ZC3H6: variants seen among roughly 807,000 people sequenced by gnomAD.
ZC3H6 encodes the protein zinc finger CCCH domain-containing protein 6.
In ZC3H6, 40 loss-of-function variants were observed where a neutral mutation model predicts 107.7. The ratio of observed to expected loss-of-function variants is 0.37; its 90% CI spans 0.29 to 0.48. ZC3H6 has a LOEUF of 0.48. Ranked by LOEUF, ZC3H6 falls within the 20% of genes least tolerant of loss-of-function variation. The pLI is 0.98. For synonymous variants in ZC3H6, 493 were observed against 487.9 expected (o/e 1.01, Z -0.14); for missense variants, 1,267 against 1,410.4 (o/e 0.90, Z 1.63).
chr2:112,304,585 C>T (rs1676441568), intron 3 of ZC3H6, among the ~76,000 whole-genome samples: 1 of 152,182 alleles, frequency 6.6e-6, no homozygotes, highest in Non-Finnish European at 1.5e-5. Flanking sequence ...ATCAGTCAAA[C>T]TGGATTAGAG....
In ZC3H6 at chr2:112,333,169, A is replaced by C. The variant is rs970020671; in HGVS notation, c.*681A>C. On this transcript the variant is annotated 3_prime_UTR_variant, in exon 12 of 12. Coordinates refer to ENST00000409871, the MANE Select transcript of ZC3H6 (RefSeq NM_198581.3). The stretch of plus-strand genomic sequence containing the variant: ...GTGAAAAATTTCCAAGTTCTCTAGC[A>C]TAACTTTTTACATTTAATTTTTCAT... The C allele has an allele frequency of 5.2e-5, 8 of 152,626 alleles. No individual in the cohort carries two copies. The highest frequency in any genetic ancestry group is 8.8e-5 in the Non-Finnish European group (6 of 68,014). 9.5% of individuals were successfully genotyped at this position (152,626 alleles called of 1,614,324 possible).
intron 1 of ZC3H6, among the ~76,000 whole-genome samples, chr2:112,288,864 T>TA (rs1676006628): frequency 6.6e-6 from 1 of 152,194 alleles, no homozygotes; most frequent in African/African-American, 2.4e-5. Flanking sequence ...AAATTGCTGT[T>TA]AGGGCAATCA....
intron 1 of ZC3H6, among the ~76,000 whole-genome samples, chr2:112,277,098 G>A (rs1178601139): frequency 6.6e-6 from 1 of 152,108 alleles, no homozygotes. Context: ...GCTGAAATTT[G>A]AAATATCTAA....
At chr2:112,315,048 A>G (rs1676671464) in intron 5 of ZC3H6, among the ~76,000 whole-genome samples, 1 of 152,162 alleles carries the variant, frequency 6.6e-6, no homozygotes, top group Admixed American at 6.5e-5. Flanking sequence ...AGTAGATTGA[A>G]CTTTATGCTC....
rs1217643689 is a variant in ZC3H6, at chr2:112,336,120, T to G, written c.*3632T>G. 4.6e-5 allele frequency: 7 copies of G among 152,232 alleles called. No homozygotes were observed. The highest frequency in any genetic ancestry group is 4.6e-4 in the Admixed American group (7 of 15,282). 9.4% of individuals were successfully genotyped at this position (152,232 alleles called of 1,614,324 possible). Reference sequence around the variant, plus strand: ...GCGGTCTTCCTGAAAGACTACTTACTTCATAAAGGTATTATGTTTCTTTAA... The same window carrying G: ...GCGGTCTTCCTGAAAGACTACTTACGTCATAAAGGTATTATGTTTCTTTAA... On this transcript the variant is annotated 3_prime_UTR_variant, in exon 12 of 12. Transcript: ENST00000409871.
intron 1 of ZC3H6, among the ~76,000 whole-genome samples, chr2:112,296,734 T>C (rs1177797919): frequency 1.3e-5 from 2 of 152,192 alleles, no homozygotes; most frequent in East Asian, 1.9e-4. Context: ...GCAAGAGTTA[T>C]GGGTATTATA....
intron 1 of ZC3H6, among the ~76,000 whole-genome samples, chr2:112,280,703 A>G (rs1215438929): frequency 6.6e-6 from 1 of 152,196 alleles, no homozygotes; most frequent in Non-Finnish European, 1.5e-5. Flanking sequence ...TGGAGGATGA[A>G]TAAAACTTTG....
At position 112,324,974 on chromosome 2, in the gene ZC3H6, G is replaced by T; in HGVS notation, c.1863G>T (p.Trp621Cys). The T allele has an allele frequency of 6.2e-7, 1 of 1,602,400 alleles. No homozygotes were observed. Among genetic ancestry groups the T allele is most frequent in the Non-Finnish European group, 8.5e-7 (1 of 1,174,110 alleles). ...ATGTTATACATGTAGATGGGATGTG[G>T]CATGGTGAATTTGCCCAGCAGCAGC... ...QPPNNSGDGM[W>C]HGEFAQQQPP... The change falls in exon 11 of 12, where the codon TGG (tryptophan) becomes TGT (cysteine). Residue 621 changes from tryptophan (W) to cysteine (C), a missense_variant. By Grantham distance (215) the Trp-to-Cys change is radical. Transcript: ENST00000409871.
chr2:112,338,847 A>ATG lies in ZC3H6; in HGVS notation c.*6360_*6361insGT, dbSNP rs1677184718. ...TGATAGACTATATATATATGTATGT[A>ATG]TATGTGTGTATATATATATATATAT... On this transcript the variant is annotated 3_prime_UTR_variant, in exon 12 of 12. Coordinates refer to ENST00000409871, the MANE Select transcript of ZC3H6 (RefSeq NM_198581.3). The ATG allele has an allele frequency of 3.0e-5, 1 of 32,888 alleles. No homozygotes were observed. The highest frequency in any genetic ancestry group is 2.3e-4 in the African/African-American group (1 of 4,338). 2.0% of individuals were successfully genotyped at this position (32,888 alleles called of 1,614,324 possible).
At chr2:112,316,295 A>G (rs1676693824) in intron 5 of ZC3H6, among the ~76,000 whole-genome samples, 175 bp from the exon 6 acceptor site, 2 of 152,164 alleles carry the variant, frequency 1.3e-5, no homozygotes, top group African/African-American at 2.4e-5. Flanking sequence ...CACTAGTAGC[A>G]TAAGTAGATT....
At chr2:112,293,825 G>A (rs188364389) in intron 1 of ZC3H6, among the ~76,000 whole-genome samples, 4 of 152,344 alleles carry the variant, frequency 2.6e-5, no homozygotes, top group Admixed American at 2.0e-4. Flanking sequence ...TAATTACTTA[G>A]AGAAATGCAT....
intron 1 of ZC3H6, among the ~76,000 whole-genome samples, chr2:112,285,570 C>T (rs1353627702): frequency 1.3e-5 from 2 of 150,202 alleles, no homozygotes; most frequent in South Asian, 4.4e-4. Context: ...GTTGGCCAGG[C>T]TGGTCTCCAA....
intron 3 of ZC3H6, among the ~76,000 whole-genome samples, chr2:112,307,044 T>G (rs562062733): frequency 6.6e-6 from 1 of 152,332 alleles, no homozygotes; most frequent in African/African-American, 2.4e-5. Flanking sequence ...TTGTCTATCT[T>G]TTCTACTTTT....
chr2:112,309,972 AC>A lies in ZC3H6; in HGVS notation c.426del (p.Tyr143ThrfsTer29). On this transcript the variant is annotated frameshift_variant, in exon 4 of 12. Transcript: ENST00000409871. LOFTEE classifies it high-confidence loss of function. ...AAGTAAAGAATATGATGAGTACAGC[AC>A]CTACAGTGATGACAACTTCGGTAAC... is the stretch of plus-strand genomic sequence containing the variant. ...FKSKEYDEYSTYSDDNFGNYS... is the reference protein window; with the variant it reads ...FKSKEYDEYSXYSDDNFGNYS... 6.2e-7 allele frequency: 1 copy of A among 1,612,734 alleles called. No individual in the cohort carries two copies. The highest frequency in any genetic ancestry group is 8.5e-7 in the Non-Finnish European group (1 of 1,179,296).
At chr2:112,317,078 A>G in intron 6 of ZC3H6, 143 bp from the exon 7 acceptor site, 1 of 556,842 alleles carries the variant, frequency 1.8e-6, no homozygotes, top group Non-Finnish European at 3.1e-6. Context: ...CATTTGAGTT[A>G]TTATTTGTTC....
chr2:112,298,990 T>C (rs967029748), intron 1 of ZC3H6, among the ~76,000 whole-genome samples: 2 of 152,062 alleles, frequency 1.3e-5, no homozygotes, highest in East Asian at 3.9e-4. Flanking sequence ...AAAGAATAAT[T>C]TGGCCGGGTG....
chr2:112,279,830 G>A (rs1360180275), intron 1 of ZC3H6, among the ~76,000 whole-genome samples: 11 of 152,222 alleles, frequency 7.2e-5, no homozygotes, highest in Non-Finnish European at 1.5e-4. Flanking sequence ...ATACAACCTA[G>A]ATAAGAACCC....
intron 10 of ZC3H6, 113 bp downstream of exon 10, chr2:112,324,776 A>T (rs1641513649): frequency 1.1e-5 from 13 of 1,219,206 alleles, no homozygotes; most frequent in South Asian, 1.7e-5. Context: ...AATTGATAAG[A>T]TTGAAACCTT....
intron 1 of ZC3H6, among the ~76,000 whole-genome samples, chr2:112,279,962 T>C (rs927670642): frequency 1.3e-5 from 2 of 152,232 alleles, no homozygotes; most frequent in African/African-American, 2.4e-5. Context: ...TTGAGTAGTT[T>C]GGAATTGTAA....
Sources: gnomAD v4.1 joint callset for allele counts (sites outside exome capture counted in the v4.1 genomes callset) on GRCh38, gnomAD v4.1.1 for gene constraint, MANE v1.5 for transcripts, NCBI Gene and HGNC (gene_info 2026-07-23, HGNC 2026-07-21) for gene names.